The following GALNT13 variants were observed in gnomAD, a reference collection of about 807,000 sequenced individuals.
GALNT13 encodes polypeptide N-acetylgalactosaminyltransferase 13, also known as UDP-GalNAc:polypeptide N-acetylgalactosaminyltransferase 13.
A neutral mutation model predicts 64.2 loss-of-function variants in GALNT13; 28 were observed. That is an observed-to-expected ratio of 0.44 (90% confidence interval 0.32 to 0.60). The LOEUF (loss-of-function observed/expected upper bound fraction) is 0.60, where lower values mean the gene tolerates loss of function less well. Among genes scored for constraint, GALNT13 ranks in the 20% least tolerant of loss-of-function variants. GALNT13 has a pLI of 0.05. For missense variants in GALNT13, 577 were observed against 669.8 expected, an observed-to-expected ratio of 0.86 and a Z score of 1.53; for synonymous variants, 214 against 224.6, an observed-to-expected ratio of 0.95 and a Z score of 0.42.
chr2:153,680,704 A>G, the GALNT13 span, among the ~76,000 whole-genome samples: 1 of 151,734 alleles, frequency 6.6e-6, no homozygotes, highest in African/African-American at 2.4e-5. Flanking sequence ...TGTGGGTGTT[A>G]TTTTCCTACC....
At chr2:154,211,629 CAAAAAAAAAAAAAAAA>C (rs140095331) in intron 4 of GALNT13, among the ~76,000 whole-genome samples, 20 of 37,952 alleles carry the variant, frequency 5.3e-4, no homozygotes, top group Non-Finnish European at 7.0e-4. Context: ...ACTCCATCTC[CAAAAAAAAAAAAAAAA>C]AAAAAAAAAA....
chr2:153,666,752 G>T, the GALNT13 span, among the ~76,000 whole-genome samples: 2 of 152,164 alleles, frequency 1.3e-5, no homozygotes, highest in Non-Finnish European at 2.9e-5. Flanking sequence ...CAAGTTAAAA[G>T]CCAGAGTGTC....
chr2:153,515,919 A>G, the GALNT13 span, among the ~76,000 whole-genome samples: 1 of 152,194 alleles, frequency 6.6e-6, no homozygotes, highest in Non-Finnish European at 1.5e-5. Context: ...CAGCTCCACT[A>G]TGGCTGCTGT....
chr2:154,454,274 G>T (rs1701980166), downstream of GALNT13, among the ~76,000 whole-genome samples: 1 of 152,114 alleles, frequency 6.6e-6, no homozygotes, highest in African/African-American at 2.4e-5. Flanking sequence ...TATATCTAAA[G>T]TGGTGTTGCC....
intron 3 of GALNT13, among the ~76,000 whole-genome samples, chr2:154,017,946 C>T (rs548877237): frequency 5.3e-5 from 8 of 152,248 alleles, no homozygotes; most frequent in South Asian, 2.1e-4. Context: ...CTTTTTGACA[C>T]GTCCACTGCT....
chr2:154,145,084 C>CTATG (rs1683498975), intron 4 of GALNT13, among the ~76,000 whole-genome samples: 1 of 114,660 alleles, frequency 8.7e-6, no homozygotes, highest in East Asian at 3.4e-4. Context: ...ATCTATCTAT[C>CTATG]TATCTATCTA....
chr2:153,844,460 C>A, the GALNT13 span, among the ~76,000 whole-genome samples: 1 of 152,290 alleles, frequency 6.6e-6, no homozygotes, highest in Non-Finnish European at 1.5e-5. Context: ...ACCAGGGCAA[C>A]AAAATCATTC....
At chr2:153,783,166 A>G in the GALNT13 span, among the ~76,000 whole-genome samples, 1 of 152,234 alleles carries the variant, frequency 6.6e-6, no homozygotes, top group African/African-American at 2.4e-5. Flanking sequence ...TATCTAAATT[A>G]TGAGGATACA....
intron 4 of GALNT13, among the ~76,000 whole-genome samples, chr2:154,199,656 G>T (rs1315788299): frequency 1.3e-5 from 2 of 151,778 alleles, no homozygotes; most frequent in African/African-American, 2.4e-5. Flanking sequence ...GTATGTATTA[G>T]AATTTATCTA....
At chr2:153,076,294 C>G in the GALNT13 span, among the ~76,000 whole-genome samples, 1 of 152,092 alleles carries the variant, frequency 6.6e-6, no homozygotes, top group African/African-American at 2.4e-5. Context: ...TTTGAGTAAA[C>G]TGTCTTTCCA....
intron 8 of GALNT13, among the ~76,000 whole-genome samples, chr2:154,277,293 GT>G (rs1272168713): frequency 6.6e-6 from 1 of 152,030 alleles, no homozygotes; most frequent in African/African-American, 2.4e-5. Flanking sequence ...CAAATCTGTT[GT>G]TTTTGTATAT....
the GALNT13 span, among the ~76,000 whole-genome samples, chr2:153,627,356 T>C: frequency 6.6e-6 from 1 of 152,106 alleles, no homozygotes; most frequent in Non-Finnish European, 1.5e-5. Flanking sequence ...AAAACATCCT[T>C]AGAGTTTGGT....
the GALNT13 span, among the ~76,000 whole-genome samples, chr2:153,345,691 C>CTTTCTTTCTT: frequency 7.8e-6 from 1 of 128,004 alleles, no homozygotes. Context: ...TTCTTTCTTT[C>CTTTCTTTCTT]TTTCTTTCTT....
At chr2:153,511,009 A>G in the GALNT13 span, among the ~76,000 whole-genome samples, 5 of 152,068 alleles carry the variant, frequency 3.3e-5, no homozygotes, top group Non-Finnish European at 5.9e-5. Context: ...AGGAGTTACA[A>G]GAGGGAGCGA....
the GALNT13 span, among the ~76,000 whole-genome samples, chr2:153,222,583 A>G: frequency 6.6e-6 from 1 of 151,988 alleles, no homozygotes; most frequent in East Asian, 1.9e-4. Context: ...CATGTCATCC[A>G]TGGTCCACTG....
chr2:153,665,763 A>G, the GALNT13 span, among the ~76,000 whole-genome samples: 7 of 152,222 alleles, frequency 4.6e-5, no homozygotes, highest in African/African-American at 1.7e-4. Flanking sequence ...GGAGTGGCCT[A>G]CTTCTGCATG....
the GALNT13 span, among the ~76,000 whole-genome samples, chr2:153,798,678 G>T: frequency 6.6e-6 from 1 of 152,178 alleles, no homozygotes; most frequent in Admixed American, 6.5e-5. Flanking sequence ...AATGAGAAAA[G>T]CTCACTCTAG....
chr2:154,016,467 G>T (rs948509442), intron 3 of GALNT13, among the ~76,000 whole-genome samples: 43 of 152,156 alleles, frequency 2.8e-4, no homozygotes, highest in African/African-American at 9.9e-4. Context: ...ACCCAGGCTG[G>T]AGTGCAGTGG....
the GALNT13 span, among the ~76,000 whole-genome samples, chr2:153,851,696 C>CA: frequency 6.6e-6 from 1 of 151,794 alleles, no homozygotes; most frequent in Non-Finnish European, 1.5e-5. Context: ...GAACCTGTCT[C>CA]AAAGAAAGAA....
Sources: gnomAD v4.1 joint callset for allele counts (sites outside exome capture counted in the v4.1 genomes callset) on GRCh38, gnomAD v4.1.1 for gene constraint, MANE v1.5 for transcripts, NCBI Gene and HGNC (gene_info 2026-07-23, HGNC 2026-07-21) for gene names.